Variants in IL1RAPL1 observed in about 807,000 individuals in gnomAD.
IL1RAPL1 encodes interleukin 1 receptor accessory protein like 1, also known as interleukin-1 receptor accessory protein-like 1.
Under a neutral mutation model 48.4 loss-of-function variants are expected in IL1RAPL1, and 3 were observed. The observed-to-expected ratio is 0.06, with a 90% CI of 0.03 to 0.16. The LOEUF is 0.16. IL1RAPL1 is among the 10% of genes least tolerant of loss of function. The pLI is 1.00. For missense variants in IL1RAPL1, 349 were observed against 530.6 expected (o/e 0.66, Z 3.36); for synonymous variants, 185 against 187.7 (o/e 0.99, Z 0.12).
intron 2 of IL1RAPL1, among the ~76,000 whole-genome samples, chrX:28,901,593 G>T (rs893217183): frequency 2.7e-5 from 3 of 111,164 alleles, no homozygotes; most frequent in Non-Finnish European, 5.7e-5. Flanking sequence ...AGAGTCTCTT[G>T]CCCACCATCT....
At chrX:28,893,194 G>A (rs760406712) in intron 2 of IL1RAPL1, among the ~76,000 whole-genome samples, 4 of 111,672 alleles carry the variant, frequency 3.6e-5, no homozygotes, top group African/African-American at 1.3e-4. Flanking sequence ...AAAAAGGAGC[G>A]TCTATACAGG....
intron 2 of IL1RAPL1, among the ~76,000 whole-genome samples, chrX:28,865,197 G>A (rs1338254712): frequency 9.0e-6 from 1 of 111,620 alleles, no homozygotes; most frequent in African/African-American, 3.3e-5. Context: ...CAGCACTTTG[G>A]GAGGTCAAGG....
At chrX:29,642,499 A>G in intron 5 of IL1RAPL1, among the ~76,000 whole-genome samples, 1 of 112,530 alleles carries the variant, frequency 8.9e-6, no homozygotes, top group Non-Finnish European at 1.9e-5. Context: ...CAGTGTTATA[A>G]TTACCTGTCC....
chrX:29,152,151 C>T (rs752611686), intron 2 of IL1RAPL1, among the ~76,000 whole-genome samples: 1 of 111,104 alleles, frequency 9.0e-6, no homozygotes, highest in African/African-American at 3.3e-5. Flanking sequence ...AGGGGAACTG[C>T]CCTTTATAAA....
At chrX:29,654,405 A>G (rs1336893651) in intron 5 of IL1RAPL1, among the ~76,000 whole-genome samples, 2 of 112,172 alleles carry the variant, frequency 1.8e-5, no homozygotes, top group African/African-American at 6.5e-5. Flanking sequence ...GGTAATTTAT[A>G]AAGAAAAAGA....
At chrX:28,700,091 AG>A (rs1935278057) in intron 1 of IL1RAPL1, among the ~76,000 whole-genome samples, 2 of 111,466 alleles carry the variant, frequency 1.8e-5, no homozygotes, top group African/African-American at 6.5e-5. Context: ...TTAATCACTA[AG>A]CTCAACCATT....
At chrX:28,894,342 C>T (rs1158830975) in intron 2 of IL1RAPL1, among the ~76,000 whole-genome samples, 2 of 111,132 alleles carry the variant, frequency 1.8e-5, no homozygotes, top group Non-Finnish European at 3.8e-5. Context: ...TGGTGAGTGG[C>T]GATTAGGCCT....
chrX:29,633,472 C>T (rs189637194), intron 5 of IL1RAPL1, among the ~76,000 whole-genome samples: 6,670 of 100,073 alleles, frequency 0.067, 240 homozygotes, highest in Middle Eastern at 0.19. Flanking sequence ...TATATATACA[C>T]ACACACACAC....
At chrX:28,724,531 G>C (rs1286919522) in intron 1 of IL1RAPL1, among the ~76,000 whole-genome samples, 3 of 110,855 alleles carry the variant, frequency 2.7e-5, no homozygotes, top group African/African-American at 9.9e-5. Flanking sequence ...CACACTGATG[G>C]GTCTTGACTC....
chrX:28,676,323 T>C (rs1934996479), intron 1 of IL1RAPL1, among the ~76,000 whole-genome samples: 1 of 112,164 alleles, frequency 8.9e-6, no homozygotes, highest in African/African-American at 3.2e-5. Context: ...TCCTGGTGTT[T>C]TGGAGGATGT....
intron 2 of IL1RAPL1, among the ~76,000 whole-genome samples, chrX:29,280,500 G>C (rs1210437916): frequency 8.9e-6 from 1 of 112,471 alleles, no homozygotes; most frequent in Non-Finnish European, 1.9e-5. Flanking sequence ...ATAAAGCTGG[G>C]TGAGAACCCC....
chrX:29,648,248 G>T (rs993704866), intron 5 of IL1RAPL1, among the ~76,000 whole-genome samples: 1 of 111,795 alleles, frequency 8.9e-6, no homozygotes, highest in Non-Finnish European at 1.9e-5. Context: ...TATCCAAACA[G>T]AAAAATCATT....
At chrX:28,704,348 T>A (rs1320422323) in intron 1 of IL1RAPL1, among the ~76,000 whole-genome samples, 1 of 108,483 alleles carries the variant, frequency 9.2e-6, no homozygotes, top group African/African-American at 3.4e-5. Context: ...CCCAATTTCA[T>A]CACGTTCCCT....
At chrX:29,395,523 T>A (rs780160276) in intron 3 of IL1RAPL1, among the ~76,000 whole-genome samples, 8 of 111,605 alleles carry the variant, frequency 7.2e-5, no homozygotes, top group African/African-American at 2.6e-4. Context: ...ATAAACTTGA[T>A]TTATGTACCA....
intron 1 of IL1RAPL1, among the ~76,000 whole-genome samples, chrX:28,660,086 G>GGT (rs60600833): frequency 0.11 from 8,396 of 76,161 alleles, 447 homozygotes; most frequent in East Asian, 0.14. Flanking sequence ...GAGTGAGGAT[G>GGT]GTGTGTGTGT....
At chrX:29,251,462 G>C (rs755132629) in intron 2 of IL1RAPL1, among the ~76,000 whole-genome samples, 1 of 111,512 alleles carries the variant, frequency 9.0e-6, no homozygotes, top group Non-Finnish European at 1.9e-5. Context: ...GAGTAGGACA[G>C]TTATATTTAT....
At chrX:29,700,137 G>A (rs889621140) in intron 6 of IL1RAPL1, among the ~76,000 whole-genome samples, 7 of 108,682 alleles carry the variant, frequency 6.4e-5, no homozygotes, top group Non-Finnish European at 1.9e-5. Flanking sequence ...CCTATTGAAT[G>A]AAAAAAAAAG....
At chrX:28,868,957 G>A (rs1479864457) in intron 2 of IL1RAPL1, among the ~76,000 whole-genome samples, 2 of 111,827 alleles carry the variant, frequency 1.8e-5, no homozygotes, top group Middle Eastern at 4.6e-3. Flanking sequence ...TTCATGATCC[G>A]CTGATGGTAT....
At chrX:29,359,486 G>A (rs1415752811) in intron 3 of IL1RAPL1, among the ~76,000 whole-genome samples, 1 of 112,189 alleles carries the variant, frequency 8.9e-6, no homozygotes, top group Non-Finnish European at 1.9e-5. Context: ...TACCAGGATC[G>A]TCTGCCAAAT....
Sources: allele counts gnomAD v4.1 joint callset (sites outside exome capture counted in the v4.1 genomes callset), GRCh38; gene constraint gnomAD v4.1.1; transcripts MANE v1.5; gene names NCBI Gene and HGNC (gene_info 2026-07-23, HGNC 2026-07-21).